The following RBFOX1 variants were observed in gnomAD, a reference collection of about 807,000 sequenced individuals.
The protein encoded by RBFOX1 is RNA binding protein fox-1 homolog 1.
Under a neutral mutation model 57.7 loss-of-function variants are expected in RBFOX1, and 8 were observed. The ratio of observed to expected loss-of-function variants is 0.14; its 90% CI spans 0.08 to 0.25. The LOEUF is 0.25. Ranked by LOEUF, RBFOX1 falls within the 10% of genes least tolerant of loss-of-function variation. The pLI is 1.00. For missense variants in RBFOX1, 611 were observed against 548.5 expected, an observed-to-expected ratio of 1.11 and a Z score of -1.14; for synonymous variants, 326 against 222.4, an observed-to-expected ratio of 1.47 and a Z score of -4.15.
At chr16:5,939,072 T>C (rs1026234592) in intron 4 of RBFOX1, among the ~76,000 whole-genome samples, 15 of 151,230 alleles carry the variant, frequency 9.9e-5, no homozygotes, top group Admixed American at 4.6e-4. Flanking sequence ...GCAGGGAACA[T>C]CACACACCAC....
chr16:6,810,389 A>G (rs2088177632), intron 3 of RBFOX1, among the ~76,000 whole-genome samples: 1 of 152,170 alleles, frequency 6.6e-6, no homozygotes, highest in East Asian at 1.9e-4. Flanking sequence ...AGGTAGGCAC[A>G]TAAACTAAGC....
chr16:7,383,012 A>G (rs1313321683), intron 4 of RBFOX1, among the ~76,000 whole-genome samples: 1 of 152,196 alleles, frequency 6.6e-6, no homozygotes, highest in Non-Finnish European at 1.5e-5. Context: ...ACATATGGTA[A>G]GCAAGGCCAG....
chr16:5,457,592 G>A (rs2068668472), intron 1 of RBFOX1, among the ~76,000 whole-genome samples: 2 of 152,184 alleles, frequency 1.3e-5, no homozygotes, highest in Admixed American at 6.5e-5. Context: ...CAGTTCCATA[G>A]CAGCCTTTGA....
intron 1 of RBFOX1, among the ~76,000 whole-genome samples, chr16:6,305,999 T>C (rs950880553): frequency 6.6e-6 from 1 of 152,054 alleles, no homozygotes; most frequent in Non-Finnish European, 1.5e-5. Context: ...CAGAGAAACA[T>C]GTGGTTTCTT....
At chr16:7,500,348 G>C (rs146079676) in intron 4 of RBFOX1, among the ~76,000 whole-genome samples, 5 of 152,290 alleles carry the variant, frequency 3.3e-5, no homozygotes, top group East Asian at 1.9e-4. Context: ...CTTCTGCTTA[G>C]TTGGGTTGTA....
At chr16:6,763,351 G>A (rs762556811) in intron 3 of RBFOX1, among the ~76,000 whole-genome samples, 1 of 152,134 alleles carries the variant, frequency 6.6e-6, no homozygotes, top group Non-Finnish European at 1.5e-5. Flanking sequence ...CCCATCACCA[G>A]TGATTACTTT....
intron 4 of RBFOX1, among the ~76,000 whole-genome samples, chr16:7,258,771 A>G (rs1482155037): frequency 6.6e-6 from 1 of 152,184 alleles, no homozygotes; most frequent in Admixed American, 6.5e-5. Context: ...TGCTGCAACT[A>G]CTGCTGATTT....
chr16:7,647,788 C>T (rs1048219007), intron 11 of RBFOX1, among the ~76,000 whole-genome samples: 1 of 152,188 alleles, frequency 6.6e-6, no homozygotes, highest in Admixed American at 6.5e-5. Flanking sequence ...TCATTGCCCA[C>T]TTACTGGATC....
At chr16:6,038,058 G>A (rs1030405991) in intron 1 of RBFOX1, 4 of 152,210 alleles carry the variant, frequency 2.6e-5, no homozygotes, top group Non-Finnish European at 5.9e-5. Context: ...CCATTCTACA[G>A]ATATCCCTAT....
At chr16:6,884,722 A>G (rs2063631093) in intron 3 of RBFOX1, among the ~76,000 whole-genome samples, 1 of 152,148 alleles carries the variant, frequency 6.6e-6, no homozygotes, top group South Asian at 2.1e-4. Context: ...ACATGACGAA[A>G]CCCCATCTGT....
chr16:6,590,020 C>G (rs1436283504), intron 2 of RBFOX1, among the ~76,000 whole-genome samples: 1 of 152,102 alleles, frequency 6.6e-6, no homozygotes, highest in African/African-American at 2.4e-5. Context: ...AGCTCTTAGT[C>G]TTGGTTGGGG....
At chr16:7,305,186 G>A (rs1473192292) in intron 4 of RBFOX1, among the ~76,000 whole-genome samples, 1 of 151,958 alleles carries the variant, frequency 6.6e-6, no homozygotes. Flanking sequence ...TGCTGAGGGA[G>A]TCTGTGTTTG....
At chr16:6,054,380 T>A (rs1471839707) in intron 1 of RBFOX1, among the ~76,000 whole-genome samples, 1 of 152,164 alleles carries the variant, frequency 6.6e-6, no homozygotes, top group Non-Finnish European at 1.5e-5. Flanking sequence ...GTTTTGAGGT[T>A]TTATTAAGTA....
intron 4 of RBFOX1, among the ~76,000 whole-genome samples, chr16:7,295,069 A>G (rs925693448): frequency 3.9e-5 from 6 of 152,210 alleles, no homozygotes; most frequent in African/African-American, 4.8e-5. Context: ...TACGCTTGTC[A>G]GTCTTCACAA....
intron 3 of RBFOX1, among the ~76,000 whole-genome samples, chr16:5,671,705 T>C (rs1360875718): frequency 6.6e-6 from 1 of 152,186 alleles, no homozygotes; most frequent in Non-Finnish European, 1.5e-5. Flanking sequence ...AAGGGGTGCC[T>C]CTCTCACCCT....
chr16:7,117,854 C>A (rs1204767525), intron 4 of RBFOX1, among the ~76,000 whole-genome samples: 1 of 152,110 alleles, frequency 6.6e-6, no homozygotes, highest in Non-Finnish European at 1.5e-5. Context: ...AGGTTGCTGG[C>A]AGGATTCATT....
intron 3 of RBFOX1, among the ~76,000 whole-genome samples, chr16:5,832,644 A>C (rs1023136310): frequency 6.6e-6 from 1 of 152,212 alleles, no homozygotes; most frequent in Non-Finnish European, 1.5e-5. Flanking sequence ...AAGTTCCCTG[A>C]AGGCAGGTGT....
chr16:7,060,294 G>C (rs1015470312), intron 4 of RBFOX1, among the ~76,000 whole-genome samples: 1 of 152,142 alleles, frequency 6.6e-6, no homozygotes, highest in Non-Finnish European at 1.5e-5. Flanking sequence ...GCCATAGTTA[G>C]CCAACCCCTG....
intron 1 of RBFOX1, among the ~76,000 whole-genome samples, chr16:5,359,841 C>G (rs2065493887): frequency 1.3e-5 from 2 of 152,172 alleles, no homozygotes; most frequent in South Asian, 4.1e-4. Context: ...GGTTTCCTCT[C>G]TGGTCCTCCG....
Sources: allele counts gnomAD v4.1 joint callset (sites outside exome capture counted in the v4.1 genomes callset), GRCh38; gene constraint gnomAD v4.1.1; transcripts MANE v1.5; gene names NCBI Gene and HGNC (gene_info 2026-07-23, HGNC 2026-07-21).